The following NPAS3 variants were observed in gnomAD, a reference collection of about 807,000 sequenced individuals.
NPAS3 encodes neuronal PAS domain protein 3, also known as neuronal PAS domain-containing protein 3.
Under a neutral mutation model 73.1 loss-of-function variants are expected in NPAS3, and 14 were observed. The observed-to-expected ratio is 0.19, with a 90% CI of 0.13 to 0.30. The LOEUF is 0.30. Among genes scored for constraint, NPAS3 ranks in the 10% least tolerant of loss-of-function variants. NPAS3 has a pLI of 1.00. For synonymous variants in NPAS3, 620 were observed against 541.5 expected (o/e 1.14, Z -2.01); for missense variants, 1,096 against 1,250.0 (o/e 0.88, Z 1.86).
intron 2 of NPAS3, among the ~76,000 whole-genome samples, chr14:33,136,806 TG>T (rs1386664573): frequency 2.0e-5 from 3 of 152,258 alleles, no homozygotes; most frequent in African/African-American, 7.2e-5. Context: ...ATATACTTCG[TG>T]TATCTGTTAC....
intron 5 of NPAS3, among the ~76,000 whole-genome samples, chr14:33,646,216 G>A (rs1651291864): frequency 6.6e-6 from 1 of 152,104 alleles, no homozygotes; most frequent in Admixed American, 6.5e-5. Context: ...GGGAAGGGAT[G>A]TGACAAAAAT....
chr14:33,775,099 G>A (rs191593398), intron 8 of NPAS3, among the ~76,000 whole-genome samples: 161 of 152,250 alleles, frequency 1.1e-3, no homozygotes, highest in African/African-American at 3.4e-3. Context: ...TCAAGACTAA[G>A]CTTTTATAAA....
intron 3 of NPAS3, among the ~76,000 whole-genome samples, chr14:33,307,823 A>C (rs990801788): frequency 2.0e-5 from 3 of 151,822 alleles, no homozygotes; most frequent in African/African-American, 7.3e-5. Context: ...GTCCCTAATT[A>C]CTCTCAGACT....
At chr14:33,406,482 G>T (rs17101030) in intron 4 of NPAS3, among the ~76,000 whole-genome samples, 2 of 152,030 alleles carry the variant, frequency 1.3e-5, no homozygotes, top group East Asian at 3.9e-4. Flanking sequence ...CTAAGAGATG[G>T]CATGTGTTTT....
At chr14:33,795,192 T>C (rs2063476371) in intron 10 of NPAS3, among the ~76,000 whole-genome samples, 1 of 152,206 alleles carries the variant, frequency 6.6e-6, no homozygotes. Flanking sequence ...ACACTAATGA[T>C]TATTGCTCTA....
chr14:33,431,566 T>A (rs1233767121), intron 4 of NPAS3, among the ~76,000 whole-genome samples: 1 of 152,202 alleles, frequency 6.6e-6, no homozygotes, highest in Non-Finnish European at 1.5e-5. Flanking sequence ...ATCTTAGTGA[T>A]TATGAAGGAT....
At chr14:33,738,675 T>G (rs1174957609) in intron 7 of NPAS3, among the ~76,000 whole-genome samples, 1 of 152,196 alleles carries the variant, frequency 6.6e-6, no homozygotes, top group African/African-American at 2.4e-5. Context: ...AAATATGAGC[T>G]GACATTCAGT....
intron 6 of NPAS3, among the ~76,000 whole-genome samples, chr14:33,691,788 G>A (rs1421205029): frequency 6.6e-6 from 1 of 152,080 alleles, no homozygotes; most frequent in Non-Finnish European, 1.5e-5. Context: ...GAGCCCCTTG[G>A]GGTTGTTGAA....
intron 1 of NPAS3, among the ~76,000 whole-genome samples, chr14:32,991,317 A>G (rs990639721): frequency 3.9e-5 from 6 of 152,062 alleles, no homozygotes; most frequent in African/African-American, 1.4e-4. Context: ...AATGTCCCCT[A>G]AGACTACCTT....
At chr14:33,239,339 T>C (rs1381566363) in intron 3 of NPAS3, among the ~76,000 whole-genome samples, 1 of 151,912 alleles carries the variant, frequency 6.6e-6, no homozygotes, top group East Asian at 1.9e-4. Flanking sequence ...TACAAACATC[T>C]TGAAAGGAAA....
chr14:33,800,939 C>A lies in NPAS3; in HGVS notation c.2632C>A (p.Arg878=). The A allele has an allele frequency of 6.2e-7, 1 of 1,607,080 alleles. No homozygotes were observed. The highest frequency in any genetic ancestry group is 1.1e-5 in the South Asian group (1 of 89,680). ...GGAGATGCTCTACCACCACGTGCAC[C>A]GGCTCAACATGTCAGGACCGTTCGG... is the stretch of plus-strand genomic sequence containing the variant. The change falls in exon 12 of 12, where the codon CGG becomes AGG. Residue 878 remains arginine, a synonymous_variant. Coordinates refer to ENST00000356141, the Ensembl canonical transcript of NPAS3. This position sits in a 1 kb window ranked among gnomAD's most constrained non-coding sequence, Gnocchi z 6.5.
At chr14:33,142,235 C>T (rs1483319348) in intron 2 of NPAS3, among the ~76,000 whole-genome samples, 3 of 81,332 alleles carry the variant, frequency 3.7e-5, no homozygotes, top group Non-Finnish European at 7.3e-5. Flanking sequence ...GTCACCTCTT[C>T]CTTCTGGGAT....
At chr14:33,047,124 C>G (rs1051019261) in intron 1 of NPAS3, among the ~76,000 whole-genome samples, 1 of 151,914 alleles carries the variant, frequency 6.6e-6, no homozygotes, top group African/African-American at 2.4e-5. Flanking sequence ...AATTTGAAGC[C>G]GAAAGGTTGA....
intron 1 of NPAS3, among the ~76,000 whole-genome samples, chr14:33,048,366 C>G (rs538463504): frequency 6.6e-6 from 1 of 152,348 alleles, no homozygotes; most frequent in South Asian, 2.1e-4. Flanking sequence ...CCACTTACTA[C>G]GGTGTAGCCC....
At chr14:33,299,678 T>C (rs2042448555) in intron 3 of NPAS3, among the ~76,000 whole-genome samples, 1 of 152,172 alleles carries the variant, frequency 6.6e-6, no homozygotes, top group East Asian at 1.9e-4. Flanking sequence ...TCTGTCTCTT[T>C]AAATCAGAAG....
rs780708461 is a variant in NPAS3 at position 33,178,070 on chromosome 14, A to ATTTTTTT, written c.141-37110_141-37104dup. On this transcript the variant is annotated intron_variant, in intron 2 of 11. Transcript: ENST00000356141. Reference sequence around the variant, plus strand: ...GGAATTTTGATAGGCATTGAAGTGAATTTTTTTTGTTTTTTTTTTTTTGGA... The same window carrying ATTTTTTT: ...GGAATTTTGATAGGCATTGAAGTGAATTTTTTTTTTTTTTTGTTTTTTTTTTTTTGGA... Among the ~76,000 whole-genome samples the ATTTTTTT allele has an allele frequency of 4.8e-5, 6 of 123,868 alleles. 3 individuals are homozygous for ATTTTTTT. The highest frequency in any genetic ancestry group is 6.6e-5 in the Non-Finnish European group (4 of 60,560). The allele number at this position is 123,868 out of a possible 152,430, so 81.3% of individuals were successfully genotyped here. A position where few individuals can be genotyped will look rare whatever the true frequency, so the allele number is the denominator to read the frequency against.
At chr14:33,185,403 T>C (rs931454520) in intron 2 of NPAS3, among the ~76,000 whole-genome samples, 3 of 152,168 alleles carry the variant, frequency 2.0e-5, no homozygotes, top group Non-Finnish European at 4.4e-5. Context: ...GCTATAGTTT[T>C]AAAGTCTAAG....
chr14:33,268,364 T>G (rs2040913642), intron 3 of NPAS3, among the ~76,000 whole-genome samples: 1 of 152,224 alleles, frequency 6.6e-6, no homozygotes, highest in African/African-American at 2.4e-5. Flanking sequence ...TAGAAGATTT[T>G]GTAAATAAAA....
chr14:33,354,921 A>G (rs1215852739), intron 3 of NPAS3, among the ~76,000 whole-genome samples: 1 of 152,012 alleles, frequency 6.6e-6, no homozygotes, highest in Non-Finnish European at 1.5e-5. Flanking sequence ...CTTTCCCCCA[A>G]ACACAGTTCC....
Sources: gnomAD v4.1 joint callset for allele counts (sites outside exome capture counted in the v4.1 genomes callset) on GRCh38, gnomAD v4.1.1 for gene constraint, Gnocchi (gnomAD v3.1) non-coding constraint, MANE v1.5 for transcripts, NCBI Gene and HGNC (gene_info 2026-07-23, HGNC 2026-07-21) for gene names.